Variants in PRKG1 observed in about 807,000 individuals in gnomAD.
PRKG1 encodes the protein cGMP-dependent protein kinase 1.
PRKG1 carries 35 observed loss-of-function variants against 88.1 expected under a neutral mutation model. The observed-to-expected ratio is 0.40, with a 90% CI of 0.30 to 0.53. The LOEUF (loss-of-function observed/expected upper bound fraction) is 0.53. Among genes scored for constraint, PRKG1 ranks in the 20% least tolerant of loss-of-function variants. The pLI, the probability that PRKG1 is intolerant of heterozygous loss-of-function variation, is 0.59. For synonymous variants in PRKG1, 303 were observed against 292.5 expected (o/e 1.04, Z -0.37); for missense variants, 540 against 839.8 (o/e 0.64, Z 4.41).
chr10:52,204,311 C>A lies in PRKG1; in HGVS notation c.1076+42348C>A, dbSNP rs187079143. The stretch of plus-strand genomic sequence containing the variant: ...ATGTTGGCCAGGCTGGTCTCAAACT[C>A]CTGACCTCAGATGATCTGCCCACCT... On this transcript the variant is annotated intron_variant, in intron 9 of 17. Coordinates refer to ENST00000373980, the MANE Select transcript of PRKG1 (RefSeq NM_006258.4). 5.8e-3 allele frequency among the ~76,000 whole-genome samples: 875 copies of A among 152,112 alleles called. 12 individuals are homozygous for A. Among genetic ancestry groups the A allele is most frequent in the African/African-American group, 0.02 (835 of 41,506 alleles).
intron 3 of PRKG1, among the ~76,000 whole-genome samples, chr10:51,529,426 CA>C (rs1841960526): frequency 6.6e-6 from 1 of 152,150 alleles, no homozygotes; most frequent in African/African-American, 2.4e-5. Flanking sequence ...TGGAAATACA[CA>C]CTCCTGAATT....
At chr10:51,200,566 C>G (rs1837887966) in intron 2 of PRKG1, among the ~76,000 whole-genome samples, 1 of 152,128 alleles carries the variant, frequency 6.6e-6, no homozygotes, top group African/African-American at 2.4e-5. Context: ...ATGTTGAAGG[C>G]AGGAAACAAG....
At chr10:51,979,081 A>T (rs1465921902) in intron 5 of PRKG1, among the ~76,000 whole-genome samples, 1 of 152,074 alleles carries the variant, frequency 6.6e-6, no homozygotes, top group Non-Finnish European at 1.5e-5. Context: ...ATTCAGCATA[A>T]TGTTGTCTGC....
chr10:51,826,135 A>G (rs1352164277), intron 4 of PRKG1, among the ~76,000 whole-genome samples: 2 of 152,122 alleles, frequency 1.3e-5, no homozygotes, highest in Non-Finnish European at 2.9e-5. Flanking sequence ...AGCTGGAGAA[A>G]ATGTGATAGC....
chr10:52,063,643 GC>G (rs1846289463), intron 7 of PRKG1, among the ~76,000 whole-genome samples: 2 of 152,226 alleles, frequency 1.3e-5, no homozygotes, highest in Admixed American at 1.3e-4. Flanking sequence ...ACAAAGAGGA[GC>G]TTTATTGAAC....
chr10:51,799,491 T>C (rs1839108545), intron 3 of PRKG1, among the ~76,000 whole-genome samples: 1 of 151,774 alleles, frequency 6.6e-6, no homozygotes, highest in African/African-American at 2.4e-5. Flanking sequence ...GGTGGTAGGA[T>C]AACCTCAAAA....
intron 4 of PRKG1, among the ~76,000 whole-genome samples, chr10:51,831,202 G>T (rs532128652): frequency 6.6e-6 from 1 of 152,186 alleles, no homozygotes; most frequent in Non-Finnish European, 1.5e-5. Flanking sequence ...GAAATCCAGA[G>T]TACTTTTACA....
intron 2 of PRKG1, among the ~76,000 whole-genome samples, chr10:51,310,024 T>C (rs1841142639): frequency 6.6e-6 from 1 of 152,140 alleles, no homozygotes; most frequent in Non-Finnish European, 1.5e-5. Flanking sequence ...TTCTCACTTA[T>C]TCATAGGAAG....
At chr10:51,923,134 T>C (rs1272862327) in intron 5 of PRKG1, among the ~76,000 whole-genome samples, 1 of 152,100 alleles carries the variant, frequency 6.6e-6, no homozygotes, top group African/African-American at 2.4e-5. Context: ...TGATCCTTTA[T>C]CATTATGTAA....
chr10:51,252,314 T>C (rs1839447523), intron 2 of PRKG1, among the ~76,000 whole-genome samples: 1 of 151,872 alleles, frequency 6.6e-6, no homozygotes, highest in African/African-American at 2.4e-5. Flanking sequence ...ATGTCTTTAC[T>C]ATAAATACAT....
chr10:51,521,790 G>A (rs772515512), intron 3 of PRKG1, among the ~76,000 whole-genome samples: 5 of 152,296 alleles, frequency 3.3e-5, no homozygotes, highest in East Asian at 3.9e-4. Flanking sequence ...AACTTGGCAC[G>A]TAATTAGTCA....
At chr10:51,650,577 G>A (rs1691352291) in intron 3 of PRKG1, among the ~76,000 whole-genome samples, 2 of 152,106 alleles carry the variant, frequency 1.3e-5, no homozygotes, top group South Asian at 4.1e-4. Context: ...TATTGTAATT[G>A]AAACTAATTA....
chr10:52,005,343 C>T (rs761480501), intron 5 of PRKG1, among the ~76,000 whole-genome samples: 1 of 151,136 alleles, frequency 6.6e-6, no homozygotes, highest in Non-Finnish European at 1.5e-5. Flanking sequence ...ATGTGCCCAC[C>T]TCAGCTTCCC....
intron 12 of PRKG1, among the ~76,000 whole-genome samples, chr10:52,274,143 A>G (rs538021877): frequency 2.0e-4 from 31 of 152,014 alleles, no homozygotes; most frequent in Middle Eastern, 3.4e-3. Flanking sequence ...TTATTTTTTC[A>G]TAAGTTATTG....
intron 1 of PRKG1, among the ~76,000 whole-genome samples, chr10:51,015,028 C>T (rs1015425466): frequency 5.9e-5 from 9 of 152,194 alleles, no homozygotes. Context: ...CATTTCCCAT[C>T]ATGTATGTTT....
intron 3 of PRKG1, among the ~76,000 whole-genome samples, chr10:51,709,896 T>C (rs1298038000): frequency 6.6e-6 from 1 of 152,184 alleles, no homozygotes; most frequent in Non-Finnish European, 1.5e-5. Flanking sequence ...GGAAGGAAAC[T>C]TACCTGACAC....
chr10:51,275,734 A>T lies in PRKG1; in HGVS notation c.478+122404A>T, dbSNP rs558203342. ...TTAGAGAAGTAAACTTTCAAAAACA[A>T]CCAGAGTGACAAATGGCCCCCAAAA... On this transcript the variant is annotated intron_variant, in intron 2 of 17. Coordinates refer to ENST00000373980, the MANE Select transcript of PRKG1 (RefSeq NM_006258.4). Among the ~76,000 whole-genome samples the T allele has an allele frequency of 2.4e-4, 37 of 152,278 alleles. No individual in the cohort carries two copies. The Middle Eastern group carries it at 0.01, about 42-fold the overall frequency.
intron 3 of PRKG1, among the ~76,000 whole-genome samples, chr10:51,652,839 A>G (rs934994081): frequency 2.6e-5 from 4 of 152,166 alleles, no homozygotes; most frequent in African/African-American, 9.6e-5. Flanking sequence ...CTCCTGTCTA[A>G]TTGAAACTTT....
intron 2 of PRKG1, among the ~76,000 whole-genome samples, chr10:51,372,458 C>A (rs1244835268): frequency 6.6e-6 from 1 of 152,096 alleles, no homozygotes; most frequent in Non-Finnish European, 1.5e-5. Context: ...ATGTCCCCAG[C>A]AAATTTTGAG....
Sources: gnomAD v4.1 joint callset for allele counts (sites outside exome capture counted in the v4.1 genomes callset) on GRCh38, gnomAD v4.1.1 for gene constraint, MANE v1.5 for transcripts, NCBI Gene and HGNC (gene_info 2026-07-23, HGNC 2026-07-21) for gene names.